Variants in NRXN3 observed in about 807,000 individuals in gnomAD.
The protein encoded by NRXN3 is neurexin 3, also known as neurexin III.
NRXN3 carries 32 observed loss-of-function variants against 137.6 expected under a neutral mutation model. The observed-to-expected ratio is 0.23, with a 90% CI of 0.18 to 0.31. The LOEUF is 0.31. Among genes scored for constraint, NRXN3 ranks in the 10% least tolerant of loss-of-function variants. NRXN3 has a pLI of 1.00. For missense variants in NRXN3, 1,574 were observed against 2,062.5 expected, an observed-to-expected ratio of 0.76 and a Z score of 4.59; for synonymous variants, 798 against 784.5, an observed-to-expected ratio of 1.02 and a Z score of -0.29.
At chr14:79,008,560 C>G (rs537879582) in intron 15 of NRXN3, among the ~76,000 whole-genome samples, 1 of 142,454 alleles carries the variant, frequency 7.0e-6, no homozygotes, top group Non-Finnish European at 1.6e-5. Context: ...CCTACTCTCT[C>G]CCTGCAAAAA....
intron 15 of NRXN3, among the ~76,000 whole-genome samples, chr14:79,005,984 C>T (rs1264764494): frequency 6.6e-6 from 1 of 152,044 alleles, no homozygotes; most frequent in Non-Finnish European, 1.5e-5. Flanking sequence ...AGGGTAGGTA[C>T]AATGCCTCGT....
rs566136330 is a variant in NRXN3, at chr14:78,946,964, A to G, written c.2276-10278A>G. Among the ~76,000 whole-genome samples, 4 of 152,338 alleles carry G rather than the reference A, an allele frequency of 2.6e-5. 1 individual carries two copies. The South Asian group carries it at 8.3e-4, about 32-fold the overall frequency. Reference sequence around the variant, plus strand: ...CAAGTTTTATTTTTGTGGGGACTATAAGGATATGATATTTCCAGGGAGACG... The same window carrying G: ...CAAGTTTTATTTTTGTGGGGACTATGAGGATATGATATTTCCAGGGAGACG... On this transcript the variant is annotated intron_variant, in intron 10 of 20. Transcript: ENST00000335750.
At chr14:78,452,074 T>A (rs1336411005) in intron 4 of NRXN3, among the ~76,000 whole-genome samples, 2 of 152,218 alleles carry the variant, frequency 1.3e-5, no homozygotes, top group African/African-American at 4.8e-5. Flanking sequence ...ATAATAAATA[T>A]AGCTGACATT....
intron 15 of NRXN3, among the ~76,000 whole-genome samples, chr14:79,371,400 A>G (rs541488994): frequency 6.6e-6 from 1 of 152,140 alleles, no homozygotes; most frequent in African/African-American, 2.4e-5. Context: ...ATACTTGCAT[A>G]TAATATTTTT....
intron 10 of NRXN3, among the ~76,000 whole-genome samples, chr14:78,951,328 A>C (rs927189982): frequency 1.3e-5 from 2 of 152,156 alleles, no homozygotes; most frequent in Non-Finnish European, 2.9e-5. Flanking sequence ...TTAGGACTTC[A>C]TGTGATCTGG....
At chr14:78,374,068 T>C (rs1446734529) in intron 4 of NRXN3, among the ~76,000 whole-genome samples, 2 of 152,200 alleles carry the variant, frequency 1.3e-5, no homozygotes, top group Middle Eastern at 3.2e-3. Context: ...AAAAACTAGG[T>C]CCGTCCTGGG....
rs568106967 is a variant in NRXN3, at chr14:78,302,316, C to A, written c.757+4456C>A. ...CACTACTAGAAGCTGCTGACACTTT[C>A]ATGCACCAGCCATTGTGCTATATGC... On this transcript the variant is annotated intron_variant, in intron 4 of 20. Coordinates refer to ENST00000335750, the MANE Select transcript of NRXN3 (RefSeq NM_001330195.2). Among the ~76,000 whole-genome samples, 8 of 152,314 alleles carry A rather than the reference C, an allele frequency of 5.3e-5. 1 individual carries two copies. The South Asian group carries it at 1.7e-3, about 32-fold the overall frequency.
intron 14 of NRXN3, among the ~76,000 whole-genome samples, chr14:78,977,165 C>A (rs1409270363): frequency 1.3e-5 from 2 of 152,096 alleles, no homozygotes; most frequent in Non-Finnish European, 2.9e-5. Context: ...AAGCCCATGA[C>A]CTTTCGCCTA....
Position 79,818,202 on chromosome 14 carries a change from C to A in NRXN3, c.4093+13012C>A, listed in dbSNP as rs1156450277. The stretch of plus-strand genomic sequence containing the variant: ...CCGAGTAGCTGGGACTACAGGTGCC[C>A]GCCACCACGCCTGGCTAATTTTTTG... On this transcript the variant is annotated intron_variant, in intron 20 of 20. Coordinates refer to ENST00000335750, the MANE Select transcript of NRXN3 (RefSeq NM_001330195.2). Among the ~76,000 whole-genome samples the A allele has an allele frequency of 2.0e-5, 3 of 151,988 alleles. No individual in the cohort carries two copies. In the South Asian group the frequency reaches 6.2e-4, roughly 32 times the overall value.
intron 15 of NRXN3, among the ~76,000 whole-genome samples, chr14:79,274,101 C>CAAAAA (rs569693397): frequency 3.9e-4 from 29 of 74,258 alleles, no homozygotes; most frequent in African/African-American, 1.4e-3. Context: ...GACTCCGTCT[C>CAAAAA]AAAAAAAAAA....
chr14:79,424,601 G>C (rs917775040), intron 15 of NRXN3, among the ~76,000 whole-genome samples: 2 of 152,132 alleles, frequency 1.3e-5, no homozygotes, highest in Admixed American at 6.5e-5. Context: ...CTGTTAACAG[G>C]AAAGCTGGGA....
At chr14:78,912,021 T>G (rs371492575) in intron 10 of NRXN3, among the ~76,000 whole-genome samples, 10 of 151,508 alleles carry the variant, frequency 6.6e-5, no homozygotes, top group African/African-American at 2.4e-4. Context: ...CTGCACCCAT[T>G]AACTCGTCAT....
chr14:78,874,398 A>G (rs149179660), intron 10 of NRXN3, among the ~76,000 whole-genome samples: 277 of 152,268 alleles, frequency 1.8e-3, no homozygotes, highest in African/African-American at 6.5e-3. Context: ...CTGTAAACCT[A>G]TTTTAAGGGC....
intron 15 of NRXN3, among the ~76,000 whole-genome samples, chr14:79,435,754 C>A (rs1479160284): frequency 6.6e-6 from 1 of 152,038 alleles, no homozygotes; most frequent in Admixed American, 6.5e-5. Flanking sequence ...CCTGCCACAG[C>A]CTCCTGAGGA....
chr14:78,886,552 T>G (rs1172804325), intron 10 of NRXN3, among the ~76,000 whole-genome samples: 1 of 152,134 alleles, frequency 6.6e-6, no homozygotes, highest in Admixed American at 6.6e-5. Context: ...TTGAGCTAGA[T>G]TCTATGATAA....
At chr14:78,747,756 A>G (rs931464386) in intron 8 of NRXN3, among the ~76,000 whole-genome samples, 2 of 152,102 alleles carry the variant, frequency 1.3e-5, no homozygotes, top group African/African-American at 4.8e-5. Context: ...CACTCTTCTC[A>G]CACAATCGGC....
chr14:79,649,931 C>T (rs544218677), intron 16 of NRXN3, among the ~76,000 whole-genome samples: 1 of 152,272 alleles, frequency 6.6e-6, no homozygotes, highest in East Asian at 1.9e-4. Context: ...GGTCAAGGTG[C>T]CAGTCAATTT....
intron 15 of NRXN3, among the ~76,000 whole-genome samples, chr14:79,300,009 A>G (rs779142748): frequency 1.2e-4 from 19 of 152,048 alleles, no homozygotes; most frequent in Non-Finnish European, 2.6e-4. Context: ...TGCGTTGGAA[A>G]ATCTAACAGT....
chr14:78,258,395 G>A (rs570012604), intron 2 of NRXN3, among the ~76,000 whole-genome samples: 31 of 151,976 alleles, frequency 2.0e-4, no homozygotes, highest in African/African-American at 6.5e-4. Flanking sequence ...GACCCTTGTC[G>A]GGAGATGTAC....
Sources: allele counts gnomAD v4.1 joint callset (sites outside exome capture counted in the v4.1 genomes callset), GRCh38; gene constraint gnomAD v4.1.1; transcripts MANE v1.5; gene names NCBI Gene and HGNC (gene_info 2026-07-23, HGNC 2026-07-21).